The following GRIP1 variants were observed in gnomAD, a reference collection of about 807,000 sequenced individuals.
GRIP1 encodes the protein glutamate receptor interacting protein 1.
In GRIP1, 45 loss-of-function variants were observed where a neutral mutation model predicts 129.9. That is an observed-to-expected ratio of 0.35 (90% CI 0.27 to 0.44). The LOEUF is 0.44. Ranked by LOEUF, GRIP1 falls within the 20% of genes least tolerant of loss-of-function variation. GRIP1 has a pLI of 1.00. For synonymous variants in GRIP1, 530 were observed against 520.8 expected, an observed-to-expected ratio of 1.02 and a Z score of -0.24; for missense variants, 1,196 against 1,396.8, an observed-to-expected ratio of 0.86 and a Z score of 2.29.
At chr12:66,406,145 T>C (rs2057183123) in intron 16 of GRIP1, 138 bp downstream of exon 16, 1 of 764,272 alleles carries the variant, frequency 1.3e-6, no homozygotes, top group Non-Finnish European at 2.2e-6. Flanking sequence ...CAGCACAAAA[T>C]TTAAAGACTC....
At chr12:66,611,770 T>TG (rs1369031347) in intron 1 of GRIP1, among the ~76,000 whole-genome samples, 2 of 147,388 alleles carry the variant, frequency 1.4e-5, no homozygotes, top group African/African-American at 5.0e-5. Context: ...GTTGGAAATG[T>TG]GAGAGAAGGC....
At chr12:66,968,295 G>A (rs2042025185) in intron 1 of GRIP1, among the ~76,000 whole-genome samples, 1 of 152,068 alleles carries the variant, frequency 6.6e-6, no homozygotes, top group Admixed American at 6.6e-5. Flanking sequence ...TTAACATACT[G>A]TATAATTCTC....
intron 1 of GRIP1, among the ~76,000 whole-genome samples, chr12:67,043,318 C>A (rs2043206689): frequency 6.6e-6 from 1 of 152,180 alleles, no homozygotes; most frequent in African/African-American, 2.4e-5. Flanking sequence ...GTCCTAAAGT[C>A]TGTTATTAGG....
intron 1 of GRIP1, among the ~76,000 whole-genome samples, chr12:66,785,892 G>T (rs1449763099): frequency 6.6e-6 from 1 of 151,354 alleles, no homozygotes; most frequent in Admixed American, 6.6e-5. Flanking sequence ...GACCAGCCTG[G>T]GCAAAATAGA....
intron 1 of GRIP1, among the ~76,000 whole-genome samples, chr12:66,773,499 T>C (rs763731823): frequency 1.6e-4 from 25 of 151,838 alleles, no homozygotes; most frequent in East Asian, 7.8e-4. Context: ...TAAGTGGGAG[T>C]TGAACAATGA....
At chr12:67,063,607 C>A (rs890253801) in intron 1 of GRIP1, among the ~76,000 whole-genome samples, 5 of 152,114 alleles carry the variant, frequency 3.3e-5, no homozygotes, top group African/African-American at 1.2e-4. Flanking sequence ...TTATTACTAT[C>A]ATTCTTGTAT....
intron 1 of GRIP1, among the ~76,000 whole-genome samples, chr12:67,036,137 T>G (rs186441503): frequency 6.6e-6 from 1 of 152,076 alleles, no homozygotes; most frequent in African/African-American, 2.4e-5. Context: ...GAGGCTTGGG[T>G]TGGGTAGGTG....
rs1308926961 is a variant in GRIP1 at position 67,017,265 on chromosome 12, T to C, written c.58+51785A>G. Among the ~76,000 whole-genome samples the C allele has an allele frequency of 1.1e-4, 17 of 151,820 alleles. 1 individual carries two copies. The highest frequency in any genetic ancestry group is 1.1e-3 in the Admixed American group (16 of 15,212). ...CATGAATAGTTATCATAAGTCCCCA[T>C]TTGCCAGCAACCATCCCAGTTTATG... On this transcript the variant is annotated intron_variant, in intron 1 of 1. Transcript: ENST00000643019.
intron 7 of GRIP1, among the ~76,000 whole-genome samples, chr12:66,513,270 T>C (rs528371305): frequency 6.6e-6 from 1 of 152,140 alleles, no homozygotes; most frequent in Non-Finnish European, 1.5e-5. Context: ...ATTCTCTGTC[T>C]TCAGATTGTT....
At chr12:66,460,417 G>A (rs2059101923) in intron 9 of GRIP1, among the ~76,000 whole-genome samples, 1 of 152,164 alleles carries the variant, frequency 6.6e-6, no homozygotes, top group East Asian at 1.9e-4. Context: ...AGGTTGCCCT[G>A]GAGCTCTCAA....
chr12:67,068,392 G>T (rs2043667932), intron 1 of GRIP1, among the ~76,000 whole-genome samples: 1 of 152,160 alleles, frequency 6.6e-6, no homozygotes, highest in Admixed American at 6.5e-5. Context: ...TAAACTGACA[G>T]CGGGGACTGC....
intron 2 of GRIP1, among the ~76,000 whole-genome samples, chr12:66,593,300 T>C (rs200048164): frequency 3.7e-4 from 56 of 152,316 alleles, no homozygotes; most frequent in East Asian, 3.3e-3. Context: ...ACGGTTAGAA[T>C]TGGTATTTAA....
At chr12:66,869,149 T>G (rs773446932) in intron 1 of GRIP1, among the ~76,000 whole-genome samples, 1 of 151,954 alleles carries the variant, frequency 6.6e-6, no homozygotes, top group South Asian at 2.1e-4. Flanking sequence ...GCAAGGGCTA[T>G]TTCTATTCAT....
chr12:66,497,096 TGGTGTGTC>T (rs2138728989), intron 7 of GRIP1, among the ~76,000 whole-genome samples: 1 of 152,320 alleles, frequency 6.6e-6, no homozygotes, highest in Non-Finnish European at 1.5e-5. Flanking sequence ...AACACTTTTT[TGGTGTGTC>T]AGGTACACAC....
intron 2 of GRIP1, among the ~76,000 whole-genome samples, chr12:66,582,186 C>T (rs1162040771): frequency 1.3e-5 from 2 of 151,030 alleles, no homozygotes; most frequent in African/African-American, 4.9e-5. Flanking sequence ...GCAGAAAAGG[C>T]CTTTGACAAA....
intron 7 of GRIP1, among the ~76,000 whole-genome samples, chr12:66,475,318 G>C (rs1254609378): frequency 5.9e-5 from 9 of 152,176 alleles, no homozygotes; most frequent in African/African-American, 2.2e-4. Flanking sequence ...GGAGCACCTA[G>C]ATTCATACAG....
chr12:66,948,241 G>A (rs1211528104), intron 1 of GRIP1, among the ~76,000 whole-genome samples: 1 of 152,166 alleles, frequency 6.6e-6, no homozygotes, highest in Admixed American at 6.5e-5. Context: ...TTCTGGAGGA[G>A]CATGGACTTT....
intron 5 of GRIP1, among the ~76,000 whole-genome samples, chr12:66,523,395 AT>A (rs376354065): frequency 0.095 from 13,753 of 145,294 alleles, 884 homozygotes; most frequent in East Asian, 0.24. Context: ...AAAGAAAATA[AT>A]TTTCAACCCA....
chr12:66,971,169 C>A (rs1055618679), intron 1 of GRIP1, among the ~76,000 whole-genome samples: 2 of 152,128 alleles, frequency 1.3e-5, no homozygotes, highest in African/African-American at 4.8e-5. Flanking sequence ...GTTGCTTCTG[C>A]TGTAGGTAAG....
Sources: allele counts gnomAD v4.1 joint callset (sites outside exome capture counted in the v4.1 genomes callset), GRCh38; gene constraint gnomAD v4.1.1; transcripts MANE v1.5; gene names NCBI Gene and HGNC (gene_info 2026-07-23, HGNC 2026-07-21).